The following TSHR variants were observed in gnomAD, a reference collection of about 807,000 sequenced individuals.
TSHR encodes thyrotropin receptor.
In TSHR, 51 loss-of-function variants were observed where a neutral mutation model predicts 64.1. The ratio of observed to expected loss-of-function variants is 0.80; its 90% confidence interval spans 0.64 to 1.01. TSHR has a LOEUF of 1.01. Ranked by LOEUF, TSHR falls within the 50% of genes least tolerant of loss-of-function variation. The pLI is 0.00. For synonymous variants in TSHR, 361 were observed against 361.9 expected (o/e 1.00, Z 0.03); for missense variants, 877 against 942.8 (o/e 0.93, Z 0.91).
At chr14:81,083,582 A>G (rs1196224528) in intron 3 of TSHR, among the ~76,000 whole-genome samples, 1 of 152,138 alleles carries the variant, frequency 6.6e-6, no homozygotes, top group African/African-American at 2.4e-5. Flanking sequence ...ATGTCTCCAT[A>G]GTTTTGTCTG....
intron 7 of TSHR, among the ~76,000 whole-genome samples, chr14:81,108,028 A>AATTTGGT (rs1292864413): frequency 1.3e-5 from 2 of 152,120 alleles, no homozygotes; most frequent in African/African-American, 4.8e-5. Context: ...TAACAAACAA[A>AATTTGGT]ATTTGGTATT....
intron 1 of TSHR, among the ~76,000 whole-genome samples, chr14:81,054,740 T>C (rs933295765): frequency 6.6e-6 from 1 of 152,140 alleles, no homozygotes; most frequent in African/African-American, 2.4e-5. Context: ...TATATATATC[T>C]CTATATATCT....
intron 1 of TSHR, chr14:81,053,319 A>C (rs1885541574): frequency 6.6e-6 from 1 of 152,214 alleles, no homozygotes; most frequent in Non-Finnish European, 1.5e-5. Context: ...ACCAATTCAA[A>C]TGTCAATCTC....
intron 1 of TSHR, among the ~76,000 whole-genome samples, chr14:81,059,569 C>T (rs1267873964): frequency 7.2e-5 from 11 of 152,040 alleles, no homozygotes; most frequent in Non-Finnish European, 1.0e-4. Flanking sequence ...TTTGTCCCAG[C>T]GTGTTATCAT....
At chr14:81,128,437 T>C (rs1437508386) in intron 8 of TSHR, among the ~76,000 whole-genome samples, 2 of 152,222 alleles carry the variant, frequency 1.3e-5, no homozygotes, top group Non-Finnish European at 2.9e-5. Context: ...GTCAACCCCT[T>C]TTATGTAAGA....
intron 8 of TSHR, among the ~76,000 whole-genome samples, chr14:81,129,747 G>A (rs931311370): frequency 6.6e-6 from 1 of 152,138 alleles, no homozygotes; most frequent in Non-Finnish European, 1.5e-5. Context: ...CCATCTTCCT[G>A]TGTCTATGCC....
intron 8 of TSHR, chr14:81,108,665 C>A: frequency 6.2e-7 from 1 of 1,614,002 alleles, no homozygotes; most frequent in Middle Eastern, 1.6e-4. Context: ...GCCCCACGCT[C>A]CAGTATGCCA....
At chr14:81,027,184 C>T (rs1434595450) in intron 1 of TSHR, among the ~76,000 whole-genome samples, 4 of 151,732 alleles carry the variant, frequency 2.6e-5, no homozygotes, top group East Asian at 1.9e-4. Flanking sequence ...AATTGTAGAT[C>T]GAGAACACAG....
At chr14:81,029,249 C>T (rs183699377) in intron 1 of TSHR, among the ~76,000 whole-genome samples, 1 of 151,910 alleles carries the variant, frequency 6.6e-6, no homozygotes, top group Non-Finnish European at 1.5e-5. Context: ...CAATAGGAAT[C>T]TTCAGGGTTT....
intron 1 of TSHR, among the ~76,000 whole-genome samples, chr14:81,018,850 A>G (rs1186966512): frequency 1.3e-5 from 2 of 152,228 alleles, no homozygotes; most frequent in African/African-American, 4.8e-5. Context: ...AAACATTTCA[A>G]AACTTTTGAA....
chr14:81,126,464 C>A (rs188794235), intron 8 of TSHR, among the ~76,000 whole-genome samples: 2 of 152,060 alleles, frequency 1.3e-5, no homozygotes, highest in East Asian at 1.9e-4. Context: ...CTATGCCAGG[C>A]CAAAAAGTAA....
intron 1 of TSHR, among the ~76,000 whole-genome samples, chr14:80,967,475 G>C (rs540298367): frequency 6.6e-6 from 1 of 151,818 alleles, no homozygotes; most frequent in African/African-American, 2.4e-5. Context: ...AGTATAGATG[G>C]GTTTTCACCA....
At chr14:81,141,382 T>G (rs1891679867) in intron 9 of TSHR, among the ~76,000 whole-genome samples, 2 of 152,234 alleles carry the variant, frequency 1.3e-5, no homozygotes, top group Non-Finnish European at 2.9e-5. Context: ...AAGAGATCAC[T>G]CAAACTCTGC....
chr14:81,122,459 C>T (rs1465968037), intron 8 of TSHR, among the ~76,000 whole-genome samples: 5 of 149,764 alleles, frequency 3.3e-5, no homozygotes, highest in Admixed American at 6.6e-5. Flanking sequence ...AAAAAAAAAA[C>T]AAACAGTTAC....
In TSHR at chr14:81,024,613, G is replaced by T. The variant is rs559223624; in HGVS notation, c.171-37535G>T. The stretch of plus-strand genomic sequence containing the variant: ...CTCCATTTTCAATATGAGATAAAAA[G>T]GTATTTTGCAAAAAGTATAAGTTTT... On this transcript the variant is annotated intron_variant, in intron 1 of 9. Transcript: ENST00000298171. Among the ~76,000 whole-genome samples the T allele has an allele frequency of 8.5e-5, 13 of 152,180 alleles. No individual in the cohort carries two copies. The South Asian group carries it at 1.9e-3, about 22-fold the overall frequency.
chr14:81,027,639 A>G (rs1466220244), intron 1 of TSHR, among the ~76,000 whole-genome samples: 1 of 152,164 alleles, frequency 6.6e-6, no homozygotes, highest in Non-Finnish European at 1.5e-5. Context: ...CATCTGTGCA[A>G]TAACTTTTTC....
intron 1 of TSHR, among the ~76,000 whole-genome samples, chr14:80,961,961 T>TAA (rs1399705315): frequency 6.6e-6 from 1 of 152,222 alleles, no homozygotes; most frequent in African/African-American, 2.4e-5. Context: ...TGAAAACATC[T>TAA]ATTATATTAA....
chr14:81,005,958 T>C (rs1477373551), intron 1 of TSHR, among the ~76,000 whole-genome samples: 1 of 152,214 alleles, frequency 6.6e-6, no homozygotes, highest in Non-Finnish European at 1.5e-5. Flanking sequence ...TGGCTGATAC[T>C]AGCCCTTAAT....
intron 1 of TSHR, among the ~76,000 whole-genome samples, chr14:81,057,471 GT>G (rs1305018005): frequency 6.6e-6 from 1 of 152,116 alleles, no homozygotes; most frequent in Non-Finnish European, 1.5e-5. Flanking sequence ...CACAAGGCAA[GT>G]GATAAATGTC....
Sources: allele counts gnomAD v4.1 joint callset (sites outside exome capture counted in the v4.1 genomes callset), GRCh38; gene constraint gnomAD v4.1.1; transcripts MANE v1.5; gene names NCBI Gene and HGNC (gene_info 2026-07-23, HGNC 2026-07-21).